Variants in CA1 observed in about 807,000 individuals in gnomAD.
CA1 encodes carbonate dehydratase I.
A neutral mutation model predicts 28.8 loss-of-function variants in CA1; 27 were observed. The observed-to-expected ratio is 0.94, with a 90% confidence interval of 0.69 to 1.29. The LOEUF (loss-of-function observed/expected upper bound fraction) is 1.29, where lower values mean the gene tolerates loss of function less well. Among genes scored for constraint, CA1 ranks in the 50% most tolerant of loss-of-function variants. The pLI, the probability that CA1 is intolerant of heterozygous loss-of-function variation, is 0.00. For missense variants in CA1, 335 were observed against 310.5 expected (o/e 1.08, Z -0.59); for synonymous variants, 121 against 108.8 (o/e 1.11, Z -0.70).
chr8:85,363,028 A>G (rs1809858576), intron 1 of CA1, among the ~76,000 whole-genome samples: 1 of 152,198 alleles, frequency 6.6e-6, no homozygotes, highest in South Asian at 2.1e-4. Context: ...GTTTTATTTT[A>G]TAAGGGCTGT....
chr8:85,354,861 G>C (rs111474861), intron 1 of CA1, among the ~76,000 whole-genome samples: 27 of 152,206 alleles, frequency 1.8e-4, no homozygotes, highest in African/African-American at 5.5e-4. Flanking sequence ...CTAGATTTAG[G>C]TTAGCTTGAA....
intron 2 of CA1, among the ~76,000 whole-genome samples, chr8:85,339,632 T>C (rs752039155): frequency 6.6e-6 from 1 of 152,190 alleles, no homozygotes; most frequent in Non-Finnish European, 1.5e-5. Flanking sequence ...GAAGAAGGCA[T>C]GTCAAGAGTT....
intron 4 of CA1, among the ~76,000 whole-genome samples, 170 bp downstream of exon 4, chr8:85,336,775 C>G (rs1808671654): frequency 1.3e-5 from 2 of 152,114 alleles, no homozygotes; most frequent in Non-Finnish European, 2.9e-5. Context: ...AATTTTCTCT[C>G]TCTTGCCAAA....
At chr8:85,340,324 A>G (rs1037358856) in intron 2 of CA1, among the ~76,000 whole-genome samples, 2 of 152,194 alleles carry the variant, frequency 1.3e-5, no homozygotes, top group African/African-American at 4.8e-5. Flanking sequence ...AAAAGGAACA[A>G]CAAAGCCTGA....
At chr8:85,366,507 G>T (rs1347499536) in intron 1 of CA1, among the ~76,000 whole-genome samples, 1 of 152,108 alleles carries the variant, frequency 6.6e-6, no homozygotes, top group Non-Finnish European at 1.5e-5. Flanking sequence ...AAATTCAAAA[G>T]ACTGATAATA....
intron 1 of CA1, among the ~76,000 whole-genome samples, chr8:85,366,369 A>G (rs777212263): frequency 6.6e-6 from 1 of 152,074 alleles, no homozygotes; most frequent in Non-Finnish European, 1.5e-5. Context: ...CTTAGCCTCC[A>G]AGGAAGACTT....
chr8:85,358,693 T>C (rs1809690970), intron 1 of CA1, among the ~76,000 whole-genome samples: 1 of 152,200 alleles, frequency 6.6e-6, no homozygotes, highest in African/African-American at 2.4e-5. Flanking sequence ...CATGGCCACA[T>C]GACTTATTTG....
intron 3 of CA1, 74 bp from the exon 4 acceptor site, chr8:85,337,137 C>T (rs1277454898): frequency 1.2e-6 from 1 of 855,266 alleles, no homozygotes; most frequent in East Asian, 2.4e-5. Flanking sequence ...TAATATAAAC[C>T]AACACTAAAT....
At chr8:85,335,013 C>T (rs201778797) in intron 4 of CA1, among the ~76,000 whole-genome samples, 1 of 57,330 alleles carries the variant, frequency 1.7e-5, no homozygotes, top group East Asian at 2.7e-4. Context: ...TAAATAACGA[C>T]AAAAAATAAA....
intron 3 of CA1, 106 bp downstream of exon 3, chr8:85,338,146 A>G (rs1383511632): frequency 9.8e-7 from 1 of 1,024,656 alleles, no homozygotes; most frequent in Non-Finnish European, 1.5e-6. Flanking sequence ...AATGCTGCAC[A>G]CAAGCACAAA....
At chr8:85,337,123 C>T (rs1808693784) in intron 3 of CA1, 60 bp from the exon 4 acceptor site, 1 of 929,516 alleles carries the variant, frequency 1.1e-6, no homozygotes, top group African/African-American at 1.6e-5. Flanking sequence ...CTTATCTTTG[C>T]ATTTAATATA....
chr8:85,346,180 A>G (rs1338969400), intron 1 of CA1, among the ~76,000 whole-genome samples: 6 of 152,164 alleles, frequency 3.9e-5, no homozygotes, highest in Admixed American at 3.9e-4. Context: ...TATCTCATTG[A>G]CTGTCATGCT....
At chr8:85,369,163 A>T (rs1810125722) in intron 1 of CA1, among the ~76,000 whole-genome samples, 1 of 152,166 alleles carries the variant, frequency 6.6e-6, no homozygotes, top group African/African-American at 2.4e-5. Flanking sequence ...TATTTGAGAT[A>T]TTATTTTTAA....
chr8:85,333,965 A>C (rs1398128756), intron 4 of CA1, among the ~76,000 whole-genome samples: 1 of 152,182 alleles, frequency 6.6e-6, no homozygotes, highest in African/African-American at 2.4e-5. Context: ...TTTCTCTCAC[A>C]TGAGGTACTT....
At chr8:85,364,913 T>G (rs1441394089) in intron 1 of CA1, among the ~76,000 whole-genome samples, 1 of 152,170 alleles carries the variant, frequency 6.6e-6, no homozygotes, top group Non-Finnish European at 1.5e-5. Flanking sequence ...AGAAAGGTGC[T>G]GAGGGTGGGT....
intron 3 of CA1, among the ~76,000 whole-genome samples, chr8:85,337,432 A>G (rs1268025625): frequency 6.6e-6 from 1 of 152,234 alleles, no homozygotes; most frequent in Non-Finnish European, 1.5e-5. Flanking sequence ...CAAAGACAGT[A>G]TGCATCAAAA....
chr8:85,335,161 AT>A (rs1441558047), intron 4 of CA1, among the ~76,000 whole-genome samples: 1 of 150,452 alleles, frequency 6.6e-6, no homozygotes, highest in Non-Finnish European at 1.5e-5. Context: ...CCTACTTGTA[AT>A]TAATTATTCT....
chr8:85,374,666 T>C (rs138551377), intron 1 of CA1, among the ~76,000 whole-genome samples: 1 of 152,314 alleles, frequency 6.6e-6, no homozygotes, highest in East Asian at 1.9e-4. Flanking sequence ...TTATTTTCCC[T>C]CGATTAGCTC....
At chr8:85,329,468 G>A (rs1190194080) in intron 7 of CA1, among the ~76,000 whole-genome samples, 2 of 151,996 alleles carry the variant, frequency 1.3e-5, no homozygotes, top group Admixed American at 6.6e-5. Flanking sequence ...AGGAAAGAGT[G>A]GCGGGAGTCA....
Sources: gnomAD v4.1 joint callset for allele counts (sites outside exome capture counted in the v4.1 genomes callset) on GRCh38, gnomAD v4.1.1 for gene constraint, MANE v1.5 for transcripts, NCBI Gene and HGNC (gene_info 2026-07-23, HGNC 2026-07-21) for gene names.